VIT: variants seen among roughly 807,000 people sequenced by gnomAD.
VIT encodes the protein vitrin.
VIT carries 99 observed loss-of-function variants against 78.0 expected under a neutral mutation model. The observed-to-expected ratio is 1.27, with a 90% CI of 1.08 to 1.50. VIT has a LOEUF of 1.50. Among genes scored for constraint, VIT ranks in the 40% most tolerant of loss-of-function variants. VIT has a pLI of 0.00. For synonymous variants in VIT, 374 were observed against 334.3 expected (o/e 1.12, Z -1.29); for missense variants, 1,126 against 875.3 (o/e 1.29, Z -3.61).
At chr2:36,765,765 T>G (rs181157330) in intron 6 of VIT, among the ~76,000 whole-genome samples, 64 of 152,382 alleles carry the variant, frequency 4.2e-4, no homozygotes, top group African/African-American at 1.5e-3. Flanking sequence ...GTCTACCCTA[T>G]AGCCTCCTGA....
chr2:36,802,265 T>A (rs1197966095), intron 13 of VIT, among the ~76,000 whole-genome samples: 1 of 152,190 alleles, frequency 6.6e-6, no homozygotes, highest in Non-Finnish European at 1.5e-5. Flanking sequence ...AAAGAGCCCA[T>A]GCCAGTGTAT....
intron 1 of VIT, among the ~76,000 whole-genome samples, chr2:36,706,090 G>A (rs1665402779): frequency 6.6e-6 from 1 of 152,170 alleles, no homozygotes; most frequent in Admixed American, 6.5e-5. Context: ...ATGGTTTCAA[G>A]GTCACCCACT....
At chr2:36,747,721 C>T (rs1668224116) in intron 4 of VIT, among the ~76,000 whole-genome samples, 1 of 152,074 alleles carries the variant, frequency 6.6e-6, no homozygotes, top group Non-Finnish European at 1.5e-5. Context: ...CACACTGTGC[C>T]TTTTAATTGG....
At chr2:36,757,908 A>T (rs1347915847) in intron 5 of VIT, among the ~76,000 whole-genome samples, 1 of 152,144 alleles carries the variant, frequency 6.6e-6, no homozygotes, top group African/African-American at 2.4e-5. Flanking sequence ...CTTACTCCTA[A>T]TCCTAGGTTC....
Position 36,814,086 on chromosome 2 carries a change from T to C in VIT, c.1904-97T>C, listed in dbSNP as rs1368679443. 5.6e-6 allele frequency: 8 copies of C among 1,439,936 alleles called. No homozygotes were observed. The Admixed American group carries it at 6.9e-5, about 12-fold the overall frequency. The allele number at this position is 1,439,936 out of a possible 1,614,324, so 89.2% of individuals were successfully genotyped here. ...TTTTGTTTGGGCATATTTCTGATTT[T>C]GGATTTGGCTGTGCCAACAGGGCCA... On this transcript the variant is annotated intron_variant, in intron 15 of 15. Transcript: ENST00000379242.
intron 3 of VIT, among the ~76,000 whole-genome samples, chr2:36,734,719 A>G (rs1365865686): frequency 6.6e-6 from 1 of 151,798 alleles, no homozygotes; most frequent in Non-Finnish European, 1.5e-5. Context: ...TCTCCTCTCT[A>G]CTTTCCCTTC....
In VIT at chr2:36,775,053, C is replaced by CGGAT. The variant is rs1553374896; in HGVS notation, c.790_793dup (p.Val265GlyfsTer19). The CGGAT allele has an allele frequency of 6.2e-7, 1 of 1,613,918 alleles. No homozygotes were observed. The highest frequency in any genetic ancestry group is 8.5e-7 in the Non-Finnish European group (1 of 1,179,982). On this transcript the variant is annotated frameshift_variant, in exon 9 of 16. Coordinates refer to ENST00000379242, the MANE Select transcript of VIT (RefSeq NM_053276.4). LOFTEE classifies it high-confidence loss of function. The stretch of plus-strand genomic sequence containing the variant: ...GCTGCCTTCCAGAAACCTGTTGGAG[C>CGGAT]GGATGTCAGCCTGGGTAAGCTGCCC...
chr2:36,795,188 C>T (rs538235892), intron 12 of VIT, among the ~76,000 whole-genome samples: 14 of 152,118 alleles, frequency 9.2e-5, no homozygotes, highest in African/African-American at 3.4e-4. Flanking sequence ...GCAAATTTGC[C>T]TACTCCTTAA....
rs549816889 is a variant in VIT at position 36,737,834 on chromosome 2, C to T, written c.119-5266C>T. Reference sequence around the variant, plus strand: ...TGTTTCTTGCTTCTTAGACACCTGGCGCCAACACCAGTGGGTTCTCCACAC... The same window carrying T: ...TGTTTCTTGCTTCTTAGACACCTGGTGCCAACACCAGTGGGTTCTCCACAC... On this transcript the variant is annotated intron_variant, in intron 3 of 15. Coordinates refer to ENST00000379242, the MANE Select transcript of VIT (RefSeq NM_053276.4). 1.9e-4 allele frequency among the ~76,000 whole-genome samples: 29 copies of T among 152,294 alleles called. 1 individual carries two copies. In the East Asian group the frequency reaches 3.5e-3, roughly 18 times the overall value.
intron 13 of VIT, among the ~76,000 whole-genome samples, chr2:36,802,623 A>C (rs902313501): frequency 6.6e-6 from 1 of 152,236 alleles, no homozygotes; most frequent in African/African-American, 2.4e-5. Context: ...CACATGACAG[A>C]GTTGATTTCT....
chr2:36,803,707 T>G (rs1161948284), intron 13 of VIT, among the ~76,000 whole-genome samples: 1 of 152,156 alleles, frequency 6.6e-6, no homozygotes, highest in Non-Finnish European at 1.5e-5. Context: ...ATTTGACAAG[T>G]AAGATAATAC....
intron 3 of VIT, among the ~76,000 whole-genome samples, chr2:36,739,078 T>C (rs1464594331): frequency 6.6e-6 from 1 of 152,188 alleles, no homozygotes; most frequent in Non-Finnish European, 1.5e-5. Context: ...AAAAACAGGA[T>C]TTTACTCTAG....
chr2:36,765,435 A>AGAGAGAG (rs1553372934), intron 6 of VIT, among the ~76,000 whole-genome samples: 30,113 of 135,136 alleles, frequency 0.22, 4,780 homozygotes, highest in Non-Finnish European at 0.32. Flanking sequence ...GAGAGAGAGA[A>AGAGAGAG]AGAGAGAGAG....
intron 3 of VIT, among the ~76,000 whole-genome samples, chr2:36,733,424 C>T (rs751187297): frequency 3.3e-5 from 5 of 152,124 alleles, no homozygotes; most frequent in East Asian, 1.9e-4. Flanking sequence ...TTGCATCAGG[C>T]GAGCCTGGCA....
intron 8 of VIT, among the ~76,000 whole-genome samples, chr2:36,774,382 G>GT (rs1362958864): frequency 6.6e-6 from 1 of 152,184 alleles, no homozygotes; most frequent in African/African-American, 2.4e-5. Flanking sequence ...CTGCAGCACT[G>GT]TTAAGGCCTG....
chr2:36,788,764 G>A (rs1452796219), intron 12 of VIT, among the ~76,000 whole-genome samples: 1 of 152,190 alleles, frequency 6.6e-6, no homozygotes, highest in Non-Finnish European at 1.5e-5. Flanking sequence ...AAAGCTTGAT[G>A]TGTTATCTTG....
chr2:36,811,895 T>C (rs985369215), intron 15 of VIT, among the ~76,000 whole-genome samples: 2 of 152,086 alleles, frequency 1.3e-5, no homozygotes, highest in Non-Finnish European at 2.9e-5. Flanking sequence ...AGGCTGGTCT[T>C]GAACTCCTAA....
At chr2:36,794,183 G>A (rs1665700020) in intron 12 of VIT, among the ~76,000 whole-genome samples, 1 of 152,068 alleles carries the variant, frequency 6.6e-6, no homozygotes, top group Non-Finnish European at 1.5e-5. Flanking sequence ...CTTCTTTTTA[G>A]GCATGGCCAA....
chr2:36,806,151 G>C (rs1453930024), intron 14 of VIT, among the ~76,000 whole-genome samples: 5 of 152,204 alleles, frequency 3.3e-5, no homozygotes, highest in Non-Finnish European at 7.3e-5. Flanking sequence ...GAGATGCCCA[G>C]CAGGAGATGT....
Sources: allele counts gnomAD v4.1 joint callset (sites outside exome capture counted in the v4.1 genomes callset), GRCh38; gene constraint gnomAD v4.1.1; transcripts MANE v1.5; gene names NCBI Gene and HGNC (gene_info 2026-07-23, HGNC 2026-07-21).